FOXP1: variants seen among roughly 807,000 people sequenced by gnomAD.
The protein encoded by FOXP1 is forkhead box P1.
FOXP1 carries 15 observed loss-of-function variants against 98.2 expected under a neutral mutation model. The observed-to-expected ratio is 0.15, with a 90% CI of 0.10 to 0.24. The LOEUF (loss-of-function observed/expected upper bound fraction) is 0.24. FOXP1 is among the 10% of genes least tolerant of loss of function. The pLI, the probability that FOXP1 is intolerant of heterozygous loss-of-function variation, is 1.00. For synonymous variants in FOXP1, 371 were observed against 314.5 expected (o/e 1.18, Z -1.90); for missense variants, 633 against 848.5 (o/e 0.75, Z 3.15).
chr3:71,158,137 G>C (rs1227232129), intron 6 of FOXP1, among the ~76,000 whole-genome samples: 1 of 48,888 alleles, frequency 2.0e-5, no homozygotes, highest in African/African-American at 6.8e-5. Context: ...GGGAGGGAGG[G>C]AGGCAGGGAA....
intron 5 of FOXP1, among the ~76,000 whole-genome samples, chr3:71,244,331 CCT>C (rs1283659526): frequency 6.6e-6 from 1 of 152,062 alleles, no homozygotes; most frequent in Non-Finnish European, 1.5e-5. Flanking sequence ...ATCTCTCCCC[CCT>C]CTTTTAGGTC....
chr3:71,485,791 C>G (rs2090604789), intron 3 of FOXP1, among the ~76,000 whole-genome samples: 1 of 149,210 alleles, frequency 6.7e-6, no homozygotes, highest in Non-Finnish European at 1.5e-5. Flanking sequence ...AAAAAAAGAA[C>G]CACAGAAATA....
intron 4 of FOXP1, among the ~76,000 whole-genome samples, chr3:71,323,339 T>A (rs1217579085): frequency 1.3e-5 from 2 of 152,068 alleles, no homozygotes; most frequent in Non-Finnish European, 2.9e-5. Flanking sequence ...TAAGGAACAG[T>A]CTACTGCCAT....
At chr3:71,581,498 TGGGGCTCTCC>T in intron 2 of FOXP1, 41 bp downstream of exon 2, 1 of 985,438 alleles carries the variant, frequency 1.0e-6, no homozygotes, top group Non-Finnish European at 1.2e-6. Flanking sequence ...TAGTGCCGCC[TGGGGCTCTCC>T]GGTGTCCCTG....
intron 7 of FOXP1, among the ~76,000 whole-genome samples, chr3:71,067,096 G>T (rs1245666986): frequency 2.0e-5 from 3 of 151,792 alleles, no homozygotes; most frequent in Non-Finnish European, 4.4e-5. Flanking sequence ...AAGGCTGATG[G>T]TTTGGGTAAG....
chr3:71,202,658 C>T (rs1198955747), intron 5 of FOXP1, among the ~76,000 whole-genome samples: 2 of 152,090 alleles, frequency 1.3e-5, no homozygotes, highest in Non-Finnish European at 2.9e-5. Context: ...ATGAACTTGT[C>T]CATTATTAAG....
intron 7 of FOXP1, among the ~76,000 whole-genome samples, chr3:71,077,915 C>A (rs1162499615): frequency 1.3e-5 from 2 of 152,048 alleles, no homozygotes; most frequent in Non-Finnish European, 2.9e-5. Flanking sequence ...TCACCGCAAC[C>A]TCCACCTCCC....
intron 7 of FOXP1, among the ~76,000 whole-genome samples, chr3:71,109,569 T>G (rs2057738558): frequency 6.6e-6 from 1 of 152,152 alleles, no homozygotes; most frequent in African/African-American, 2.4e-5. Context: ...TGAGCACTGT[T>G]AAGATTTGCT....
intron 2 of FOXP1, among the ~76,000 whole-genome samples, chr3:71,577,830 G>T (rs1028793818): frequency 1.3e-5 from 2 of 151,836 alleles, no homozygotes; most frequent in Non-Finnish European, 2.9e-5. Context: ...GTATACATTG[G>T]CTCAGGTATA....
At chr3:71,492,131 C>G (rs1245328861) in intron 3 of FOXP1, among the ~76,000 whole-genome samples, 2 of 151,998 alleles carry the variant, frequency 1.3e-5, no homozygotes, top group Non-Finnish European at 2.9e-5. Context: ...AGGATAGGAT[C>G]CTCTAACCTA....
At chr3:71,420,142 T>C (rs1251276560) in intron 3 of FOXP1, among the ~76,000 whole-genome samples, 2 of 152,194 alleles carry the variant, frequency 1.3e-5, no homozygotes, top group African/African-American at 4.8e-5. Flanking sequence ...CCCACCATCA[T>C]ATTAGTTTTC....
intron 3 of FOXP1, among the ~76,000 whole-genome samples, chr3:71,368,056 T>C (rs553188581): frequency 9.8e-5 from 15 of 152,354 alleles, no homozygotes; most frequent in Admixed American, 5.9e-4. Context: ...CCTCGACAAA[T>C]TACCCTGGTG....
chr3:70,989,164 T>C (rs1245283072), intron 13 of FOXP1, among the ~76,000 whole-genome samples: 1 of 152,148 alleles, frequency 6.6e-6, no homozygotes, highest in Non-Finnish European at 1.5e-5. Flanking sequence ...AATACAGTTA[T>C]TTTCTAAGGA....
At chr3:71,324,775 TA>T (rs1312499779) in intron 4 of FOXP1, among the ~76,000 whole-genome samples, 1 of 130,820 alleles carries the variant, frequency 7.6e-6, no homozygotes, top group Non-Finnish European at 1.7e-5. Context: ...TAAAAACAAA[TA>T]AATAAATAAA....
intron 6 of FOXP1, among the ~76,000 whole-genome samples, chr3:71,116,025 C>T (rs904281855): frequency 1.3e-5 from 2 of 152,138 alleles, no homozygotes; most frequent in African/African-American, 4.8e-5. Context: ...CGTGAGCCAC[C>T]GTGTCCGGCC....
chr3:71,532,056 A>C (rs535770428), intron 2 of FOXP1, among the ~76,000 whole-genome samples: 62 of 152,200 alleles, frequency 4.1e-4, no homozygotes, highest in South Asian at 8.3e-4. Flanking sequence ...CTTCTTTTTT[A>C]TCTCTCTTGC....
chr3:71,028,444 T>C (rs771005124), intron 11 of FOXP1, among the ~76,000 whole-genome samples: 5 of 152,190 alleles, frequency 3.3e-5, no homozygotes, highest in Non-Finnish European at 7.3e-5. Context: ...CCCAGTAGCC[T>C]GTATTTTAGC....
intron 3 of FOXP1, among the ~76,000 whole-genome samples, chr3:71,404,621 G>T (rs2082189987): frequency 6.6e-6 from 1 of 150,408 alleles, no homozygotes; most frequent in Non-Finnish European, 1.5e-5. Flanking sequence ...GCAGGCAAAA[G>T]TCACAGTAAA....
At chr3:71,044,886 G>A (rs1163480592) in intron 10 of FOXP1, among the ~76,000 whole-genome samples, 3 of 152,042 alleles carry the variant, frequency 2.0e-5, no homozygotes, top group Non-Finnish European at 4.4e-5. Flanking sequence ...TCCATACCCA[G>A]GTGACCATGT....
Sources: gnomAD v4.1 joint callset for allele counts (sites outside exome capture counted in the v4.1 genomes callset) on GRCh38, gnomAD v4.1.1 for gene constraint, MANE v1.5 for transcripts, NCBI Gene and HGNC (gene_info 2026-07-23, HGNC 2026-07-21) for gene names.